Variants in GGCT observed in about 807,000 individuals in gnomAD.
The protein encoded by GGCT is gamma-glutamylcyclotransferase.
In GGCT, 20 loss-of-function variants were observed where a neutral mutation model predicts 22.1. That is an observed-to-expected ratio of 0.91 (90% confidence interval 0.64 to 1.32). The LOEUF (loss-of-function observed/expected upper bound fraction) is 1.32, where lower values mean the gene tolerates loss of function less well. GGCT is among the 40% of genes most tolerant of loss of function. The pLI, the probability that GGCT is intolerant of heterozygous loss-of-function variation, is 0.00. For missense variants in GGCT, 209 were observed against 223.5 expected (o/e 0.94, Z 0.41); for synonymous variants, 72 against 78.4 (o/e 0.92, Z 0.43).
chr7:30,503,491 T>C (rs1242312067), intron 1 of GGCT, among the ~76,000 whole-genome samples: 1 of 152,188 alleles, frequency 6.6e-6, no homozygotes, highest in Non-Finnish European at 1.5e-5. Context: ...AATTAGAAGC[T>C]AGTGCCCAAG....
In GGCT at chr7:30,504,723, C is replaced by T. The variant is rs1789793315; in HGVS notation, c.-14G>A. 1.9e-6 allele frequency: 3 copies of T among 1,613,542 alleles called. No homozygotes were observed. Among genetic ancestry groups the T allele is most frequent in the South Asian group, 2.2e-5 (2 of 91,070 alleles). On this transcript the variant is annotated 5_prime_UTR_variant, in exon 1 of 4. Coordinates refer to ENST00000275428, the MANE Select transcript of GGCT (RefSeq NM_024051.4). ...CGAGTTGGCCATATCCCACTACGCC[C>T]CTGCACTGGAGCCTGAAGCAGAGTG...
chr7:30,501,777 T>A (rs1041715580), intron 1 of GGCT, among the ~76,000 whole-genome samples: 28 of 152,230 alleles, frequency 1.8e-4, no homozygotes, highest in African/African-American at 6.8e-4. Context: ...AGGATCCTTT[T>A]CAGGTTTATA....
intron 1 of GGCT, 60 bp downstream of exon 1, chr7:30,504,509 G>A (rs1233505312): frequency 3.8e-6 from 6 of 1,594,666 alleles, no homozygotes; most frequent in African/African-American, 2.7e-5. Flanking sequence ...GTGTGCCCCC[G>A]AGGAAGCGCC....
chr7:30,503,614 ACCAAGTT>A, intron 1 of GGCT, among the ~76,000 whole-genome samples: 1 of 152,002 alleles, frequency 6.6e-6, no homozygotes, highest in South Asian at 2.1e-4. Flanking sequence ...ATCCACGTTT[ACCAAGTT>A]CAGCAGTGGC....
At position 30,498,900 on chromosome 7, in the gene GGCT, T is replaced by TCCA; in HGVS notation, c.325_326insTGG (p.Ile108_Glu109insVal). On this transcript the variant is annotated inframe_insertion, in exon 3 of 4. Coordinates refer to ENST00000275428, the MANE Select transcript of GGCT (RefSeq NM_024051.4). Reference sequence around the variant, plus strand: ...TCCTTCTTGAGTTGCAACTTTAACTTCTATTACAACATACATTCCACTTTT... The same window carrying TCCA: ...TCCTTCTTGAGTTGCAACTTTAACTTCCACTATTACAACATACATTCCACTTTT... 2.5e-6 allele frequency: 4 copies of TCCA among 1,613,292 alleles called. No individual in the cohort carries two copies. The highest frequency in any genetic ancestry group is 3.4e-6 in the Non-Finnish European group (4 of 1,179,400).
At chr7:30,497,631 G>T in intron 3 of GGCT, 1 of 535,596 alleles carries the variant, frequency 1.9e-6, no homozygotes. Flanking sequence ...AATTGGACAT[G>T]GGGGAATAAA....
intron 3 of GGCT, 65 bp from the exon 4 acceptor site, chr7:30,497,300 A>G (rs10278906): frequency 0.15 from 181,711 of 1,184,592 alleles, 15,769 homozygotes; most frequent in Admixed American, 0.3. Flanking sequence ...TTAACGTACC[A>G]TACCACAGCT....
chr7:30,499,367 G>GT (rs1789640551), intron 2 of GGCT, among the ~76,000 whole-genome samples: 1 of 145,846 alleles, frequency 6.9e-6, no homozygotes, highest in African/African-American at 2.5e-5. Context: ...AGATTGCACT[G>GT]TGGCAATCCA....
At position 30,500,586 on chromosome 7, in the gene GGCT, C is replaced by T. The variant is rs750489931; in HGVS notation, c.237G>A (p.Val79=). Residue 79 remains valine, a synonymous_variant, in exon 2 of 4, where the codon GTG becomes GTA. Coordinates refer to ENST00000275428, the MANE Select transcript of GGCT (RefSeq NM_024051.4). ...ATIFQSPGDE[V]WGVVWKMNKS... ...TGTTCATTTTCCATACTACTCCCCACACTTCATCGCCAGGACTCTGAAAAA... is the reference window on the plus strand; with the variant it reads ...TGTTCATTTTCCATACTACTCCCCATACTTCATCGCCAGGACTCTGAAAAA... 5.6e-6 allele frequency: 9 copies of T among 1,613,720 alleles called. 1 individual carries two copies. Among genetic ancestry groups the T allele is most frequent in the African/African-American group, 5.3e-5 (4 of 74,938 alleles).
At position 30,497,156 on chromosome 7, in the gene GGCT, T is replaced by A; in HGVS notation, c.503A>T (p.Tyr168Phe). Residue 168 changes from tyrosine (Y) to phenylalanine (F), a missense_variant, in exon 4 of 4, where the codon TAT (tyrosine) becomes TTT (phenylalanine). Transcript: ENST00000275428. ...EKLKAIEPNDYTGKVSEEIED... is the reference protein window; with the variant it reads ...EKLKAIEPNDFTGKVSEEIED... ...AATTTCTTCTGAGACCTTTCCTGTA[T>A]AGTCATTTGGTTCTATTGCTTTTAA... 3 of 1,609,500 alleles carry A rather than the reference T, an allele frequency of 1.9e-6. No individual in the cohort carries two copies. The highest frequency in any genetic ancestry group is 2.6e-6 in the Non-Finnish European group (3 of 1,176,144).
chr7:30,499,552 C>A (rs941183475), intron 2 of GGCT, among the ~76,000 whole-genome samples: 1 of 150,484 alleles, frequency 6.6e-6, no homozygotes, highest in Non-Finnish European at 1.5e-5. Flanking sequence ...AAAAAAAAAA[C>A]ACACAAAAAA....
intron 3 of GGCT, 133 bp downstream of exon 3, chr7:30,498,670 C>T (rs963689919): frequency 2.6e-6 from 2 of 770,428 alleles, no homozygotes; most frequent in Non-Finnish European, 4.3e-6. Flanking sequence ...CTGCCCGCCC[C>T]AGCCTTCCAA....
In GGCT at chr7:30,504,658, G is replaced by C. The variant is rs778074903; in HGVS notation, c.52C>G (p.Leu18Val). The change falls in exon 1 of 4, where the codon CTG (leucine) becomes GTG (valine). Residue 18 changes from leucine (L) to valine (V), a missense_variant. By Grantham distance (32) the Leu-to-Val change is conservative (BLOSUM62 1). Transcript: ENST00000275428. ...DVTGPDEESF[L>V]YFAYGSNLLT... Reference sequence around the variant, plus strand: ...AGGTTGCTGCCGTAGGCAAAGTACAGAAAACTCTCCTCATCTGGACCCGTG... The same window carrying C: ...AGGTTGCTGCCGTAGGCAAAGTACACAAAACTCTCCTCATCTGGACCCGTG... The C allele has an allele frequency of 1.2e-6, 2 of 1,614,136 alleles. No homozygotes were observed. Among genetic ancestry groups the C allele is most frequent in the Non-Finnish European group, 1.7e-6 (2 of 1,179,964 alleles).
chr7:30,500,720 T>G (rs116174507), intron 1 of GGCT, 39 bp from the exon 2 acceptor site: 2 of 1,564,582 alleles, frequency 1.3e-6, no homozygotes, highest in East Asian at 4.5e-5. Context: ...AATATCCACT[T>G]GAATCCAAAT....
At chr7:30,500,256 C>T (rs1789668616) in intron 2 of GGCT, among the ~76,000 whole-genome samples, 1 of 152,120 alleles carries the variant, frequency 6.6e-6, no homozygotes, top group Non-Finnish European at 1.5e-5. Flanking sequence ...CAGTATGAAA[C>T]TATAAAGAAA....
chr7:30,498,513 G>A (rs1789613997), intron 3 of GGCT, among the ~76,000 whole-genome samples: 1 of 152,106 alleles, frequency 6.6e-6, no homozygotes, highest in East Asian at 1.9e-4. Flanking sequence ...TCCACCTCCT[G>A]GGTTCAAGCA....
intron 1 of GGCT, among the ~76,000 whole-genome samples, chr7:30,502,438 TG>T (rs1229560498): frequency 6.6e-6 from 1 of 152,218 alleles, no homozygotes; most frequent in Non-Finnish European, 1.5e-5. Context: ...TCAAATATTC[TG>T]ATCATCTTTA....
In GGCT at chr7:30,498,887, T is replaced by G; in HGVS notation, c.339A>C (p.Ala113=). 6.2e-7 allele frequency: 1 copy of G among 1,613,304 alleles called. No individual in the cohort carries two copies. The highest frequency in any genetic ancestry group is 8.5e-7 in the Non-Finnish European group (1 of 1,179,260). Residue 113 remains alanine, a synonymous_variant, in exon 3 of 4, where the codon GCA becomes GCC. Coordinates refer to ENST00000275428, the MANE Select transcript of GGCT (RefSeq NM_024051.4). The part of the protein sequence containing the change: ...GMYVVIEVKV[A]TQEGKEITCR... ...AGGTTATTTCTTTTCCTTCTTGAGT[T>G]GCAACTTTAACTTCTATTACAACAT...
chr7:30,498,755 C>T, intron 3 of GGCT, 48 bp downstream of exon 3: 1 of 1,519,052 alleles, frequency 6.6e-7, no homozygotes, highest in Non-Finnish European at 9.0e-7. Flanking sequence ...TTTAGTTTCT[C>T]TCAGTGAAAT....
Sources: allele counts gnomAD v4.1 joint callset (sites outside exome capture counted in the v4.1 genomes callset), GRCh38; gene constraint gnomAD v4.1.1; transcripts MANE v1.5; gene names NCBI Gene and HGNC (gene_info 2026-07-23, HGNC 2026-07-21).